The following POU3F3 variants were observed in gnomAD, a reference collection of about 807,000 sequenced individuals.
The protein encoded by POU3F3 is POU domain, class 3, transcription factor 3.
POU3F3 carries 1 observed loss-of-function variant against 8.6 expected under a neutral mutation model. The ratio of observed to expected loss-of-function variants is 0.12; its 90% CI spans 0.04 to 0.55. POU3F3 has a LOEUF of 0.55. Among genes scored for constraint, POU3F3 ranks in the 20% least tolerant of loss-of-function variants. The pLI is 0.91. For synonymous variants in POU3F3, 418 were observed against 327.4 expected, an observed-to-expected ratio of 1.28 and a Z score of -2.99; for missense variants, 577 against 690.7, an observed-to-expected ratio of 0.84 and a Z score of 1.84.
At chr2:104,863,347 G>C (rs1676689540), downstream of POU3F3, among the ~76,000 whole-genome samples, 1 of 152,064 alleles carries the variant, frequency 6.6e-6, no homozygotes, top group African/African-American at 2.4e-5. Flanking sequence ...CTGGAAGGTT[G>C]AGGGAGTTGC....
downstream of POU3F3, among the ~76,000 whole-genome samples, chr2:104,858,990 C>T (rs949362526): frequency 2.6e-5 from 4 of 151,938 alleles, no homozygotes; most frequent in African/African-American, 9.7e-5. Flanking sequence ...CTCCTGTCCC[C>T]CTCCCAACAT....
At chr2:104,872,405 G>A in the POU3F3 span, 13 of 447,636 alleles carry the variant, frequency 2.9e-5, no homozygotes, top group Non-Finnish European at 4.5e-5. The surrounding 1 kb of genome is among the most constrained non-coding windows in gnomAD (Gnocchi z 4.6). Flanking sequence ...TGGGGGAAGG[G>A]CTGCAGGGGC....
chr2:104,886,872 C>T, the POU3F3 span, among the ~76,000 whole-genome samples: 1 of 151,878 alleles, frequency 6.6e-6, no homozygotes, highest in Non-Finnish European at 1.5e-5. Flanking sequence ...CACGCTATTG[C>T]ACTCCAGACT....
chr2:104,911,729 C>T, the POU3F3 span, among the ~76,000 whole-genome samples: 1 of 151,704 alleles, frequency 6.6e-6, no homozygotes, highest in Non-Finnish European at 1.5e-5. Context: ...AGGACAACTA[C>T]AAAGAGAGGA....
the POU3F3 span, among the ~76,000 whole-genome samples, chr2:104,897,345 C>T: frequency 6.6e-6 from 1 of 152,170 alleles, no homozygotes; most frequent in African/African-American, 2.4e-5. Flanking sequence ...GGACCTGGGT[C>T]TCTGCTCCCC....
chr2:104,887,889 A>C, the POU3F3 span, among the ~76,000 whole-genome samples: 1 of 152,376 alleles, frequency 6.6e-6, no homozygotes, highest in South Asian at 2.1e-4. Flanking sequence ...AAACAGTGTT[A>C]AAAGCGGGGA....
the POU3F3 span, among the ~76,000 whole-genome samples, chr2:104,864,538 G>GT: frequency 8.9e-4 from 135 of 151,980 alleles, 1 homozygote; most frequent in African/African-American, 2.5e-3. Context: ...ATTAGAGTTG[G>GT]TTTTTTTTCC....
At chr2:104,917,189 G>A in the POU3F3 span, among the ~76,000 whole-genome samples, 1 of 152,192 alleles carries the variant, frequency 6.6e-6, no homozygotes, top group South Asian at 2.1e-4. Flanking sequence ...ATGGCAGCTT[G>A]TGGGACTTTT....
the POU3F3 span, among the ~76,000 whole-genome samples, chr2:104,901,129 T>C: frequency 6.6e-6 from 1 of 152,206 alleles, no homozygotes; most frequent in Non-Finnish European, 1.5e-5. Context: ...TTATCTTTCA[T>C]AAAATGAGAC....
At chr2:104,884,575 C>G in the POU3F3 span, among the ~76,000 whole-genome samples, 1 of 152,222 alleles carries the variant, frequency 6.6e-6, no homozygotes, top group East Asian at 1.9e-4. Flanking sequence ...ACATCTGGCA[C>G]TGCAGCTAAC....
the POU3F3 span, among the ~76,000 whole-genome samples, chr2:104,917,261 A>G: frequency 1.3e-5 from 2 of 152,170 alleles, no homozygotes; most frequent in Non-Finnish European, 2.9e-5. Context: ...CTATGCATAG[A>G]TACGTATGGC....
At position 104,855,473 on chromosome 2, in the gene POU3F3, CGGT is replaced by C. The variant is rs1172020461; in HGVS notation, c.-32_-30del. On this transcript the variant is annotated 5_prime_UTR_variant, in exon 1 of 1. Transcript: ENST00000361360. ...GCGGCTGCTGCTGCGGCGGCGGCGG[CGGT>C]GGTGGCGGCGGTGGGGTGGCGGGAG... The C allele has an allele frequency of 4.9e-6, 4 of 822,534 alleles. No homozygotes were observed. Among genetic ancestry groups the C allele is most frequent in the South Asian group, 5.7e-5 (1 of 17,576 alleles). 51.0% of individuals were successfully genotyped at this position (822,534 alleles called of 1,614,324 possible).
chr2:104,887,266 C>T, the POU3F3 span, among the ~76,000 whole-genome samples: 1 of 152,192 alleles, frequency 6.6e-6, no homozygotes, highest in African/African-American at 2.4e-5. Flanking sequence ...TTGTGCCAAC[C>T]TTCTATCTCA....
At chr2:104,919,776 G>A in the POU3F3 span, among the ~76,000 whole-genome samples, 1 of 150,980 alleles carries the variant, frequency 6.6e-6, no homozygotes, top group Non-Finnish European at 1.5e-5. Flanking sequence ...CTCCTCCCTT[G>A]TCTCCTTCCC....
chr2:104,863,152 T>C (rs1676685320), downstream of POU3F3, among the ~76,000 whole-genome samples: 1 of 133,950 alleles, frequency 7.5e-6, no homozygotes, highest in Non-Finnish European at 1.6e-5. Context: ...CCCAGCCTCA[T>C]AATAACAATT....
the POU3F3 span, among the ~76,000 whole-genome samples, chr2:104,871,805 C>T: frequency 1.1e-4 from 17 of 152,168 alleles, no homozygotes; most frequent in African/African-American, 1.9e-4. Flanking sequence ...CTGCTGTTCA[C>T]ACTGCAAGTC....
At chr2:104,907,231 T>A in the POU3F3 span, among the ~76,000 whole-genome samples, 1 of 152,160 alleles carries the variant, frequency 6.6e-6, no homozygotes, top group African/African-American at 2.4e-5. Flanking sequence ...TTCTCATCCA[T>A]CACATCTCAG....
chr2:104,892,067 A>G, the POU3F3 span, among the ~76,000 whole-genome samples: 1 of 152,168 alleles, frequency 6.6e-6, no homozygotes, highest in Non-Finnish European at 1.5e-5. Flanking sequence ...CCCCCTGATG[A>G]TGTGAGCTGG....
chr2:104,875,598 G>A, the POU3F3 span, among the ~76,000 whole-genome samples: 3 of 152,100 alleles, frequency 2.0e-5, no homozygotes, highest in Non-Finnish European at 2.9e-5. Context: ...AAGAGCAAAT[G>A]TACAAATACA....
Sources: gnomAD v4.1 joint callset for allele counts (sites outside exome capture counted in the v4.1 genomes callset) on GRCh38, gnomAD v4.1.1 for gene constraint, Gnocchi (gnomAD v3.1) non-coding constraint, MANE v1.5 for transcripts, NCBI Gene and HGNC (gene_info 2026-07-23, HGNC 2026-07-21) for gene names.